The following NDUFA9 variants were observed in gnomAD, a reference collection of about 807,000 sequenced individuals.
The protein encoded by NDUFA9 is NADH dehydrogenase [ubiquinone] 1 alpha subcomplex subunit 9, mitochondrial.
Under a neutral mutation model 45.9 loss-of-function variants are expected in NDUFA9, and 23 were observed. The observed-to-expected ratio is 0.50, with a 90% CI of 0.36 to 0.71. The LOEUF is 0.71. Among genes scored for constraint, NDUFA9 ranks in the 30% least tolerant of loss-of-function variants. The pLI is 0.00. For missense variants in NDUFA9, 466 were observed against 488.2 expected, an observed-to-expected ratio of 0.95 and a Z score of 0.43; for synonymous variants, 176 against 170.5, an observed-to-expected ratio of 1.03 and a Z score of -0.25.
intron 8 of NDUFA9, among the ~76,000 whole-genome samples, chr12:4,675,263 A>G (rs909345296): frequency 6.6e-6 from 1 of 152,216 alleles, no homozygotes; most frequent in East Asian, 1.9e-4. Context: ...AGAACTAGAG[A>G]AGCAGGAACA....
chr12:4,665,972 A>T (rs971265903), intron 6 of NDUFA9, among the ~76,000 whole-genome samples: 9 of 151,894 alleles, frequency 5.9e-5, no homozygotes, highest in South Asian at 2.1e-4. Context: ...TGGCTTAAAA[A>T]ATATATATAT....
chr12:4,666,310 G>T (rs1307254308), intron 6 of NDUFA9, among the ~76,000 whole-genome samples: 2 of 152,110 alleles, frequency 1.3e-5, no homozygotes, highest in African/African-American at 4.8e-5. Flanking sequence ...TATGTGATTT[G>T]TAAAATTTTC....
At chr12:4,682,367 C>T in intron 9 of NDUFA9, 67 bp downstream of exon 9, 1 of 1,218,474 alleles carries the variant, frequency 8.2e-7, no homozygotes, top group Non-Finnish European at 1.2e-6. Flanking sequence ...TCCTAATGTT[C>T]TCCCTTAGGG....
chr12:4,669,231 C>T (rs765091093), intron 7 of NDUFA9, among the ~76,000 whole-genome samples: 3 of 152,204 alleles, frequency 2.0e-5, no homozygotes, highest in Non-Finnish European at 4.4e-5. Context: ...CTGAAAATGA[C>T]TCTAGACAGT....
chr12:4,686,946 C>T lies in NDUFA9; in HGVS notation c.972C>T (p.Ile324=), dbSNP rs1199334432. The change falls in exon 11 of 11, where the codon ATC becomes ATT. Residue 324 remains isoleucine (I), a synonymous_variant. Coordinates refer to ENST00000266544, the MANE Select transcript of NDUFA9 (RefSeq NM_005002.5). ...ITRDKVERMH[I]TDMKLPHLPG... is the part of the protein sequence containing the mutation. ...CCTTTGTTTATCCAAAGATGCACAT[C>T]ACAGACATGAAATTGCCTCACCTGC... 6.2e-7 allele frequency: 1 copy of T among 1,613,990 alleles called. No individual in the cohort carries two copies. Among genetic ancestry groups the T allele is most frequent in the Non-Finnish European group, 8.5e-7 (1 of 1,179,964 alleles).
intron 9 of NDUFA9, among the ~76,000 whole-genome samples, chr12:4,684,432 T>C (rs919925576): frequency 5.3e-5 from 8 of 152,176 alleles, no homozygotes; most frequent in African/African-American, 1.9e-4. Flanking sequence ...CCCAGGACTC[T>C]GTGGGGCCCC....
intron 8 of NDUFA9, among the ~76,000 whole-genome samples, chr12:4,676,325 C>T (rs1344606107): frequency 1.3e-5 from 2 of 152,218 alleles, no homozygotes; most frequent in East Asian, 3.9e-4. Flanking sequence ...AAAGGGTATT[C>T]AATTAGGAAA....
At chr12:4,649,310 C>G in intron 1 of NDUFA9, 135 bp downstream of exon 1, 1 of 1,028,424 alleles carries the variant, frequency 9.7e-7, no homozygotes, top group East Asian at 2.6e-5. Context: ...TTGGAGCTGC[C>G]TCAGTCTGGT....
At chr12:4,674,878 C>G (rs928192018) in intron 8 of NDUFA9, among the ~76,000 whole-genome samples, 3 of 152,198 alleles carry the variant, frequency 2.0e-5, no homozygotes, top group African/African-American at 4.8e-5. Context: ...TTCTTCTCAG[C>G]ACCACATTGC....
At chr12:4,671,887 A>G (rs556867034) in intron 8 of NDUFA9, among the ~76,000 whole-genome samples, 1 of 152,332 alleles carries the variant, frequency 6.6e-6, no homozygotes, top group African/African-American at 2.4e-5. Context: ...CTTGCTCTGT[A>G]CATGAAAAAA....
intron 8 of NDUFA9, among the ~76,000 whole-genome samples, chr12:4,671,816 T>C (rs1364883138): frequency 6.6e-6 from 1 of 152,226 alleles, no homozygotes; most frequent in Non-Finnish European, 1.5e-5. Flanking sequence ...GAAAGGATAG[T>C]CTTTTCAACA....
At position 4,654,381 on chromosome 12, in the gene NDUFA9, G is replaced by A. The variant is rs772826689; in HGVS notation, c.139G>A (p.Gly47Arg). The A allele has an allele frequency of 6.2e-7, 1 of 1,614,160 alleles. No individual in the cohort carries two copies. The highest frequency in any genetic ancestry group is 1.1e-5 in the South Asian group (1 of 91,084). ...HHALMPHGKG[G>R]RSSVSGIVAT... ...TGCCCTCATGCCTCATGGGAAAGGT[G>A]GACGTTCCTCAGTCAGTGGGATTGT... is the stretch of plus-strand genomic sequence containing the variant. Residue 47 changes from glycine (G) to arginine (R), a missense_variant, in exon 2 of 11, where the codon GGA becomes AGA. Coordinates refer to ENST00000266544, the MANE Select transcript of NDUFA9 (RefSeq NM_005002.5).
chr12:4,673,759 A>G (rs1340500866), intron 8 of NDUFA9, among the ~76,000 whole-genome samples: 1 of 151,964 alleles, frequency 6.6e-6, no homozygotes, highest in Non-Finnish European at 1.5e-5. Flanking sequence ...GGAAAACTCC[A>G]GGAGAACTTC....
intron 9 of NDUFA9, among the ~76,000 whole-genome samples, chr12:4,682,999 G>T (rs1401907341): frequency 1.3e-5 from 2 of 152,028 alleles, no homozygotes; most frequent in Non-Finnish European, 2.9e-5. Context: ...CTTGAGCTTG[G>T]GAGTTCAAGG....
rs990689572 is a variant in NDUFA9 at position 4,688,434 on chromosome 12, A to G, written c.*1326A>G. 1 of 147,242 alleles carries G rather than the reference A, an allele frequency of 6.8e-6. No homozygotes were observed. Among genetic ancestry groups the G allele is most frequent in the Non-Finnish European group, 1.5e-5 (1 of 67,208 alleles). The allele number at this position is 147,242 out of a possible 1,614,324, so 9.1% of individuals were successfully genotyped here. ...TGGGAGTTCAAGGTTACAGTGAGCT[A>G]TGATAGTGCCACTGCACTTCAGCTT... On this transcript the variant is annotated 3_prime_UTR_variant, in exon 11 of 11. Transcript: ENST00000266544.
intron 3 of NDUFA9, chr12:4,655,705 A>G (rs745870351): frequency 6.6e-6 from 1 of 152,210 alleles, no homozygotes. Flanking sequence ...CTTTCTGAGC[A>G]TTCCCTTTGT....
intron 7 of NDUFA9, 150 bp downstream of exon 7, chr12:4,668,674 T>C: frequency 5.9e-6 from 4 of 682,886 alleles, no homozygotes; most frequent in Non-Finnish European, 1.0e-5. Context: ...ACTTAAGAGG[T>C]ACATGCCTTC....
At chr12:4,684,045 A>C (rs371459168) in intron 9 of NDUFA9, among the ~76,000 whole-genome samples, 2 of 152,234 alleles carry the variant, frequency 1.3e-5, no homozygotes, top group Non-Finnish European at 1.5e-5. Context: ...GAGTTGGCTT[A>C]TGTATGCCCA....
intron 8 of NDUFA9, among the ~76,000 whole-genome samples, chr12:4,676,610 G>C (rs748125569): frequency 6.6e-6 from 1 of 152,070 alleles, no homozygotes; most frequent in Non-Finnish European, 1.5e-5. Context: ...ACCTATTCAA[G>C]GAGAACTACC....
Sources: gnomAD v4.1 joint callset for allele counts (sites outside exome capture counted in the v4.1 genomes callset) on GRCh38, gnomAD v4.1.1 for gene constraint, MANE v1.5 for transcripts, NCBI Gene and HGNC (gene_info 2026-07-23, HGNC 2026-07-21) for gene names.